The following HOXD11 variants were observed in gnomAD, a reference collection of about 807,000 sequenced individuals.
HOXD11 encodes homeobox D11.
A neutral mutation model predicts 23.1 loss-of-function variants in HOXD11; 16 were observed. The ratio of observed to expected loss-of-function variants is 0.69; its 90% CI spans 0.47 to 1.05. The LOEUF (loss-of-function observed/expected upper bound fraction) is 1.05, where lower values mean the gene tolerates loss of function less well. Among genes scored for constraint, HOXD11 ranks in the 50% least tolerant of loss-of-function variants. The probability of loss-of-function intolerance (pLI) is 0.00; values close to 1 mark genes in which losing one functional copy is unlikely to be tolerated. For synonymous variants in HOXD11, 262 were observed against 224.4 expected (o/e 1.17, Z -1.50); for missense variants, 564 against 495.6 (o/e 1.14, Z -1.31).
chr2:176,110,697 ACT>A, downstream of HOXD11, among the ~76,000 whole-genome samples: 1 of 152,176 alleles, frequency 6.6e-6, no homozygotes, highest in South Asian at 2.1e-4. Flanking sequence ...GCTGCCACCC[ACT>A]CTCACACATA....
downstream of HOXD11, among the ~76,000 whole-genome samples, chr2:176,113,275 C>T (rs1008619812): frequency 6.6e-5 from 10 of 152,224 alleles, no homozygotes; most frequent in Admixed American, 2.0e-4. Context: ...CACAGGTCCA[C>T]TCAGGCCCAG....
chr2:176,107,563 C>T lies in HOXD11; in HGVS notation c.208C>T (p.Arg70Cys), dbSNP rs1689597571. 8 of 1,587,016 alleles carry T rather than the reference C, an allele frequency of 5.0e-6. No individual in the cohort carries two copies. The African/African-American group carries it at 5.5e-5, about 11-fold the overall frequency. ...GGCCTTCCGCGACTACGGCCTGGAG[C>T]GCGCCAAGTGGCCGTACCGCGGCGG... ...EVAFRDYGLE[R>C]AKWPYRGGGG... Residue 70 changes from arginine to cysteine, a missense_variant, in exon 1 of 2, where the codon CGC becomes TGC. Transcript: ENST00000249504.
At position 176,109,394 on chromosome 2, in the gene HOXD11, G is replaced by C; in HGVS notation, c.*252G>C. On this transcript the variant is annotated 3_prime_UTR_variant, in exon 2 of 2. Transcript: ENST00000249504. ...ACGTCCCGTTACAATTTTACCGCCA[G>C]TGTGCTGTCGTTCCCCCTCCCCCTC... is the stretch of plus-strand genomic sequence containing the variant. 2 of 446,270 alleles carry C rather than the reference G, an allele frequency of 4.5e-6. No individual in the cohort carries two copies. The highest frequency in any genetic ancestry group is 8.1e-6 in the Non-Finnish European group (2 of 247,612). The allele number at this position is 446,270 out of a possible 1,614,324, so 27.6% of individuals were successfully genotyped here. A position where few individuals can be genotyped will look rare whatever the true frequency, so the allele number is the denominator to read the frequency against.
At chr2:176,110,966 CT>C (rs959408366), downstream of HOXD11, among the ~76,000 whole-genome samples, 55 of 152,304 alleles carry the variant, frequency 3.6e-4, no homozygotes, top group African/African-American at 1.3e-3. Flanking sequence ...GTCCCCTTTG[CT>C]TTAATGAAGA....
At chr2:176,108,174 G>A in intron 1 of HOXD11, 38 bp downstream of exon 1, 1 of 1,094,552 alleles carries the variant, frequency 9.1e-7, no homozygotes, top group Non-Finnish European at 1.2e-6. Context: ...GGGCCCGGGG[G>A]CCGCGGGGGA....
At position 176,109,042 on chromosome 2, in the gene HOXD11, C is replaced by G. The variant is rs1689636522; in HGVS notation, c.917C>G (p.Thr306Ser). Residue 306 changes from threonine to serine, a missense_variant, in exon 2 of 2, where the codon ACT becomes AGT. By Grantham distance (58) the Thr-to-Ser change is moderately conservative. Transcript: ENST00000249504. ...RLQLSRMLNL[T>S]DRQVKIWFQN... The stretch of plus-strand genomic sequence containing the variant: ...CAACTCTCTCGGATGCTCAACCTCA[C>G]TGACCGGCAAGTCAAAATCTGGTTC... 1 of 1,614,000 alleles carries G rather than the reference C, an allele frequency of 6.2e-7. No individual in the cohort carries two copies. Among genetic ancestry groups the G allele is most frequent in the Non-Finnish European group, 8.5e-7 (1 of 1,179,924 alleles).
downstream of HOXD11, among the ~76,000 whole-genome samples, chr2:176,110,996 A>G (rs1317102389): frequency 3.3e-5 from 5 of 152,238 alleles, no homozygotes; most frequent in African/African-American, 9.6e-5. Context: ...TTTAAAATCA[A>G]GCCTTTGAAA....
downstream of HOXD11, among the ~76,000 whole-genome samples, chr2:176,111,839 A>AAAAAAAAAAAAAAAAAAAAAAC (rs1689678592): frequency 6.8e-6 from 1 of 148,052 alleles, no homozygotes; most frequent in Non-Finnish European, 1.5e-5. Flanking sequence ...AAAAAAAAAA[A>AAAAAAAAAAAAAAAAAAAAAAC]AAAAAAAAAA....
chr2:176,114,029 C>G (rs568068736), downstream of HOXD11, among the ~76,000 whole-genome samples: 282 of 152,258 alleles, frequency 1.9e-3, no homozygotes, highest in South Asian at 8.3e-4. Context: ...ATAAAATTCC[C>G]GATTAGATTA....
In HOXD11 at chr2:176,107,653, G is replaced by A; in HGVS notation, c.298G>A (p.Ala100Thr). The A allele has an allele frequency of 1.0e-6, 1 of 977,492 alleles. No individual in the cohort carries two copies. The highest frequency in any genetic ancestry group is 1.2e-6 in the Non-Finnish European group (1 of 824,746). 60.6% of individuals were successfully genotyped at this position (977,492 alleles called of 1,614,324 possible). A position where few individuals can be genotyped will look rare whatever the true frequency, so the allele number is the denominator to read the frequency against. ...CGGCCCCGGCGGGGGCGGCGGCGGC[G>A]CGGGGGGCTACGCTCCCTACTACGC... ...GGGPGGGGGG[A>T]GGYAPYYAAA... Residue 100 changes from alanine (A) to threonine (T), a missense_variant, in exon 1 of 2, where the codon GCG becomes ACG. Ala to Thr is a moderately conservative substitution (Grantham distance 58). Transcript: ENST00000249504.
At chr2:176,111,826 C>CAAAAAAAAAAAAAAAAAAAAAAAA (rs1176283938), downstream of HOXD11, among the ~76,000 whole-genome samples, 4 of 22,744 alleles carry the variant, frequency 1.8e-4, 1 homozygote, top group African/African-American at 3.8e-4. Flanking sequence ...CTCCCCCCCG[C>CAAAAAAAAAAAAAAAAAAAAAAAA]AAAAAAAAAA....
the HOXD11 span, among the ~76,000 whole-genome samples, chr2:176,114,925 C>T: frequency 1.3e-5 from 2 of 152,220 alleles, no homozygotes; most frequent in African/African-American, 4.8e-5. Flanking sequence ...GCTTTAGTTT[C>T]TTGGCTGGCA....
chr2:176,109,027 G>A lies in HOXD11; in HGVS notation c.902G>A (p.Arg301Gln), dbSNP rs896277922. 2.5e-6 allele frequency: 4 copies of A among 1,613,874 alleles called. No homozygotes were observed. The highest frequency in any genetic ancestry group is 3.4e-6 in the Non-Finnish European group (4 of 1,179,846). The change falls in exon 2 of 2, where the codon CGG (arginine) becomes CAG (glutamine). Residue 301 changes from arginine to glutamine, a missense_variant. Physicochemically the swap from Arg to Gln is conservative, Grantham distance 43. Coordinates refer to ENST00000249504, the MANE Select transcript of HOXD11 (RefSeq NM_021192.3). ...AAAGAGAAAAGACTTCAACTCTCTC[G>A]GATGCTCAACCTCACTGACCGGCAA... ...INKEKRLQLS[R>Q]MLNLTDRQVK...
chr2:176,113,190 C>T (rs529863962), downstream of HOXD11, among the ~76,000 whole-genome samples: 1 of 152,240 alleles, frequency 6.6e-6, no homozygotes, highest in East Asian at 1.9e-4. Context: ...TAATCGACTC[C>T]ATCCGCTCTG....
At position 176,107,922 on chromosome 2, in the gene HOXD11, G is replaced by A. The variant is rs1371264624; in HGVS notation, c.567G>A (p.Pro189=). Residue 189 remains proline (P), a synonymous_variant, in exon 1 of 2, where the codon CCG becomes CCA. Coordinates refer to ENST00000249504, the MANE Select transcript of HOXD11 (RefSeq NM_021192.3). ...TCTACGAGGCAGCGCCCGGGCCCCC[G>A]TTCGCCGGGCCGCAGCCCCCGCCGC... ...DQFYEAAPGP[P]FAGPQPPPPP... 2 of 1,426,246 alleles carry A rather than the reference G, an allele frequency of 1.4e-6. No homozygotes were observed. Among genetic ancestry groups the A allele is most frequent in the Non-Finnish European group, 9.2e-7 (1 of 1,090,104 alleles). 88.3% of individuals were successfully genotyped at this position (1,426,246 alleles called of 1,614,324 possible).
downstream of HOXD11, among the ~76,000 whole-genome samples, chr2:176,111,848 A>C (rs1053032347): frequency 6.9e-6 from 1 of 145,484 alleles, no homozygotes; most frequent in South Asian, 2.3e-4. Flanking sequence ...AAAAAAAAAA[A>C]ACCTTCATCG....
rs560453175 is a variant in HOXD11 at position 176,107,917 on chromosome 2, C to A, written c.562C>A (p.Pro188Thr). The A allele has an allele frequency of 2.1e-6, 3 of 1,426,518 alleles. No homozygotes were observed. Among genetic ancestry groups the A allele is most frequent in the Non-Finnish European group, 2.8e-6 (3 of 1,089,816 alleles). 88.4% of individuals were successfully genotyped at this position (1,426,518 alleles called of 1,614,324 possible). Residue 188 changes from proline (P) to threonine (T), a missense_variant, in exon 1 of 2, where the codon CCC becomes ACC. Transcript: ENST00000249504. ...FDQFYEAAPG[P>T]PFAGPQPPPP... is the part of the protein sequence containing the mutation. Reference sequence around the variant, plus strand: ...CCAGTTCTACGAGGCAGCGCCCGGGCCCCCGTTCGCCGGGCCGCAGCCCCC... The same window carrying A: ...CCAGTTCTACGAGGCAGCGCCCGGGACCCCGTTCGCCGGGCCGCAGCCCCC...
At chr2:176,108,327 A>G (rs1034943419) in intron 1 of HOXD11, among the ~76,000 whole-genome samples, 191 bp downstream of exon 1, 3 of 152,090 alleles carry the variant, frequency 2.0e-5, no homozygotes, top group Admixed American at 2.0e-4. Flanking sequence ...AGGTGGGCTT[A>G]AGGTAGACTT....
At chr2:176,111,826 CAAAAAAAAAA>C (rs1176283938), downstream of HOXD11, among the ~76,000 whole-genome samples, 2 of 22,740 alleles carry the variant, frequency 8.8e-5, no homozygotes, top group Non-Finnish European at 1.5e-4. Flanking sequence ...CTCCCCCCCG[CAAAAAAAAAA>C]AAAAAAAAAA....
Sources: gnomAD v4.1 joint callset for allele counts (sites outside exome capture counted in the v4.1 genomes callset) on GRCh38, gnomAD v4.1.1 for gene constraint, MANE v1.5 for transcripts, NCBI Gene and HGNC (gene_info 2026-07-23, HGNC 2026-07-21) for gene names.